TK2: variants seen among roughly 807,000 people sequenced by gnomAD.
TK2 encodes thymidine kinase 2.
A neutral mutation model predicts 41.9 loss-of-function variants in TK2; 35 were observed. The ratio of observed to expected loss-of-function variants is 0.84; its 90% CI spans 0.64 to 1.11. The LOEUF (loss-of-function observed/expected upper bound fraction) is 1.11. Among genes scored for constraint, TK2 ranks in the 50% least tolerant of loss-of-function variants. The pLI, the probability that TK2 is intolerant of heterozygous loss-of-function variation, is 0.00. For missense variants in TK2, 320 were observed against 351.1 expected, an observed-to-expected ratio of 0.91 and a Z score of 0.71; for synonymous variants, 128 against 129.1, an observed-to-expected ratio of 0.99 and a Z score of 0.06.
chr16:66,517,102 G>C lies in TK2; in HGVS notation c.618+34C>G, dbSNP rs932175650. The C allele has an allele frequency of 6.3e-7, 1 of 1,598,682 alleles. No individual in the cohort carries two copies. Among genetic ancestry groups the C allele is most frequent in the Non-Finnish European group, 8.6e-7 (1 of 1,166,020 alleles). The stretch of plus-strand genomic sequence containing the variant: ...CGGGTTGGACAGAGGTGGTTTCCCA[G>C]TTTGTCTTTAACCAAGTCAAAGAGG... On this transcript the variant is annotated intron_variant, in intron 8 of 9. Coordinates refer to ENST00000544898, the MANE Select transcript of TK2 (RefSeq NM_004614.5). The surrounding 1 kb of genome is among the most constrained non-coding windows in gnomAD (Gnocchi z 4.3).
chr16:66,545,294 G>A (rs1180874662), intron 2 of TK2, among the ~76,000 whole-genome samples: 1 of 152,074 alleles, frequency 6.6e-6, no homozygotes, highest in Non-Finnish European at 1.5e-5. Flanking sequence ...TGTTTAATTA[G>A]AACCCAGGGT....
chr16:66,513,883 A>T, intron 8 of TK2, 72 bp from the exon 9 acceptor site: 1 of 1,328,472 alleles, frequency 7.5e-7, no homozygotes, highest in Non-Finnish European at 1.1e-6. Flanking sequence ...TGTCAAGCAG[A>T]GGGGGTCAAA....
At chr16:66,512,926 A>T (rs931110962) in intron 9 of TK2, among the ~76,000 whole-genome samples, 1 of 152,194 alleles carries the variant, frequency 6.6e-6, no homozygotes, top group Non-Finnish European at 1.5e-5. Context: ...GCCCTGCCTC[A>T]CATCCCATCA....
At chr16:66,527,707 A>G (rs1038608514) in intron 6 of TK2, among the ~76,000 whole-genome samples, 2 of 152,160 alleles carry the variant, frequency 1.3e-5, no homozygotes, top group Non-Finnish European at 2.9e-5. Context: ...TAAATACTAC[A>G]AAGAAAACTA....
rs1597094504 is a variant in TK2, at chr16:66,531,459, T to C, written c.296A>G (p.Tyr99Cys). 1.2e-6 allele frequency: 2 copies of C among 1,614,134 alleles called. No individual in the cohort carries two copies. The highest frequency in any genetic ancestry group is 2.2e-5 in the East Asian group (1 of 44,884). ...AAGACCCCAGCGAGAGGCATCGTGGTACATCAGGCCCTGCAGAAGGGAAAA... is the reference window on the plus strand; with the variant it reads ...AAGACCCCAGCGAGAGGCATCGTGGCACATCAGGCCCTGCAGAAGGGAAAA... ...VRGHNPLGLM[Y>C]HDASRWGLTL... The change falls in exon 5 of 10, where the codon TAC becomes TGC. Residue 99 changes from tyrosine (Y) to cysteine (C), a missense_variant. Physicochemically the swap from Tyr to Cys is radical, Grantham distance 194. Coordinates refer to ENST00000544898, the MANE Select transcript of TK2 (RefSeq NM_004614.5).
intron 4 of TK2, 47 bp downstream of exon 4, chr16:66,536,917 G>A: frequency 3.7e-6 from 6 of 1,611,560 alleles, no homozygotes; most frequent in Non-Finnish European, 5.1e-6. Context: ...TCATTCTCAG[G>A]TGCTTAAGGG....
intron 4 of TK2, among the ~76,000 whole-genome samples, chr16:66,536,009 T>C (rs767098414): frequency 1.1e-4 from 17 of 152,052 alleles, no homozygotes; most frequent in Admixed American, 3.9e-4. Context: ...ATGGAGACCA[T>C]CCTGGCCAAC....
rs763062483 is a variant in TK2 at position 66,514,069 on chromosome 16, G to A, written c.619-258C>T. ...TGGGGGTTCGTGGGCACAAACACTG[G>A]CCCTTCCCCTGGCGCCTGAATCAAA... is the stretch of plus-strand genomic sequence containing the variant. On this transcript the variant is annotated intron_variant, in intron 8 of 9. Transcript: ENST00000544898. The surrounding 1 kb of genome is among the most constrained non-coding windows in gnomAD (Gnocchi z 4.2). Among the ~76,000 whole-genome samples, 8 of 152,080 alleles carry A rather than the reference G, an allele frequency of 5.3e-5. No homozygotes were observed. Among genetic ancestry groups the A allele is most frequent in the Non-Finnish European group, 8.8e-5 (6 of 68,012 alleles).
intron 6 of TK2, chr16:66,518,281 C>T: frequency 3.7e-6 from 1 of 269,560 alleles, no homozygotes; most frequent in Middle Eastern, 1.4e-3. Flanking sequence ...AATCCCAGCA[C>T]TTTGGGAGGG....
chr16:66,516,539 G>A (rs1228572077), intron 8 of TK2, among the ~76,000 whole-genome samples: 2 of 152,178 alleles, frequency 1.3e-5, no homozygotes, highest in Admixed American at 6.5e-5. Context: ...CAGCCTGGAG[G>A]CCAGATTTTG....
At position 66,508,676 on chromosome 16, in the gene TK2, C is replaced by A. The variant is rs559242032; in HGVS notation, c.*3292G>T. 6.6e-6 allele frequency: 1 copy of A among 152,314 alleles called. No individual in the cohort carries two copies. The highest frequency in any genetic ancestry group is 2.1e-4 in the South Asian group (1 of 4,826). 9.4% of individuals were successfully genotyped at this position (152,314 alleles called of 1,614,324 possible). ...TGCTCTGAGGTTTAAATGGCACCACCGTCACTCGGGTCTAATGGTGCATGT... is the reference window on the plus strand; with the variant it reads ...TGCTCTGAGGTTTAAATGGCACCACAGTCACTCGGGTCTAATGGTGCATGT... On this transcript the variant is annotated 3_prime_UTR_variant, in exon 10 of 10. Coordinates refer to ENST00000544898, the MANE Select transcript of TK2 (RefSeq NM_004614.5).
chr16:66,534,443 A>G (rs748652203), intron 4 of TK2, among the ~76,000 whole-genome samples: 11 of 152,100 alleles, frequency 7.2e-5, no homozygotes, highest in Non-Finnish European at 1.5e-4. Context: ...CCTGCTCAGA[A>G]CCTTCCAGTG....
chr16:66,531,580 G>T, intron 4 of TK2, 111 bp from the exon 5 acceptor site: 1 of 1,019,430 alleles, frequency 9.8e-7, no homozygotes, highest in Non-Finnish European at 1.5e-6. Context: ...CAGGGTTGGG[G>T]CTGGAGATAA....
chr16:66,547,866 G>A, intron 2 of TK2: 4 of 1,228,748 alleles, frequency 3.3e-6, no homozygotes, highest in Non-Finnish European at 4.2e-6. Context: ...TAGCTATTGT[G>A]TGTCTGGGGG....
At chr16:66,528,299 G>A (rs766827219) in intron 6 of TK2, among the ~76,000 whole-genome samples, 1 of 152,214 alleles carries the variant, frequency 6.6e-6, no homozygotes, top group Non-Finnish European at 1.5e-5. Context: ...GCACAGGGAT[G>A]GAGGGCCCCA....
intron 3 of TK2, among the ~76,000 whole-genome samples, chr16:66,537,650 G>C (rs1379209825): frequency 6.6e-6 from 1 of 152,218 alleles, no homozygotes; most frequent in African/African-American, 2.4e-5. Flanking sequence ...CATTTCTAGA[G>C]CCTCCATCTG....
At position 66,510,428 on chromosome 16, in the gene TK2, T is replaced by A. The variant is rs1964419099; in HGVS notation, c.*1540A>T. The A allele has an allele frequency of 6.6e-6, 1 of 152,272 alleles. No homozygotes were observed. The highest frequency in any genetic ancestry group is 6.5e-5 in the Admixed American group (1 of 15,274). 9.4% of individuals were successfully genotyped at this position (152,272 alleles called of 1,614,324 possible). A position where few individuals can be genotyped will look rare whatever the true frequency, so the allele number is the denominator to read the frequency against. ...CTGCTAGACACAGCTCCCGCCTGGC[T>A]GCTGCCTCTCATCCTGCCAATGGCA... On this transcript the variant is annotated 3_prime_UTR_variant, in exon 10 of 10. Transcript: ENST00000544898.
At position 66,511,985 on chromosome 16, in the gene TK2, G is replaced by T; in HGVS notation, c.781C>A (p.Arg261=). The T allele has an allele frequency of 6.2e-7, 1 of 1,614,158 alleles. No individual in the cohort carries two copies. Among genetic ancestry groups the T allele is most frequent in the Middle Eastern group, 1.6e-4 (1 of 6,062 alleles). ...NRDRILTPEN[R]KHCP is the part of the protein sequence containing the mutation. ...TTTGCCTCCTATGGGCAATGCTTCC[G>T]ATTCTCTGGAGTTAATATTCGATCC... Residue 261 remains arginine, a synonymous_variant, in exon 10 of 10, where the codon CGG becomes AGG. Transcript: ENST00000544898.
intron 6 of TK2, among the ~76,000 whole-genome samples, chr16:66,526,685 G>A (rs771576187): frequency 3.3e-5 from 5 of 152,138 alleles, no homozygotes; most frequent in East Asian, 1.9e-4. Flanking sequence ...CCAGGACATC[G>A]AGGCCGCAGT....
Sources: allele counts gnomAD v4.1 joint callset (sites outside exome capture counted in the v4.1 genomes callset), GRCh38; gene constraint gnomAD v4.1.1; non-coding constraint Gnocchi (gnomAD v3.1); transcripts MANE v1.5; gene names NCBI Gene and HGNC (gene_info 2026-07-23, HGNC 2026-07-21).